Variants in AKAP19 observed in about 807,000 individuals in gnomAD.
AKAP19 encodes small A-kinase anchoring protein.
the AKAP19 span, among the ~76,000 whole-genome samples, chr2:190,088,227 A>G: frequency 6.6e-6 from 1 of 152,158 alleles, no homozygotes; most frequent in Non-Finnish European, 1.5e-5. Flanking sequence ...CACAAACCCC[A>G]TGATCGTGAT....
the AKAP19 span, among the ~76,000 whole-genome samples, chr2:189,968,588 G>A: frequency 6.6e-6 from 1 of 152,126 alleles, no homozygotes; most frequent in African/African-American, 2.4e-5. Context: ...AACAAAGATT[G>A]TCTGGGATAA....
the AKAP19 span, chr2:190,079,890 T>TGTGTGTGTGTGAGA: frequency 2.3e-4 from 25 of 109,534 alleles, no homozygotes; most frequent in African/African-American, 7.1e-4. Flanking sequence ...TGTGTGTGTG[T>TGTGTGTGTGTGAGA]GAGAGAGAGA....
At chr2:189,944,424 A>G in the AKAP19 span, among the ~76,000 whole-genome samples, 1 of 152,166 alleles carries the variant, frequency 6.6e-6, no homozygotes, top group Admixed American at 6.5e-5. Context: ...TGTCAACACT[A>G]TGCTTCCTAT....
At chr2:190,022,600 T>A in the AKAP19 span, among the ~76,000 whole-genome samples, 2 of 152,184 alleles carry the variant, frequency 1.3e-5, no homozygotes, top group Non-Finnish European at 2.9e-5. Flanking sequence ...AAAATTCAGA[T>A]CCTGCTGCTG....
chr2:189,983,262 C>A, the AKAP19 span, among the ~76,000 whole-genome samples: 3 of 152,126 alleles, frequency 2.0e-5, no homozygotes, highest in East Asian at 3.9e-4. Context: ...TACAGATGCA[C>A]CCTCTGAGGG....
the AKAP19 span, among the ~76,000 whole-genome samples, chr2:190,103,511 G>A: frequency 5.3e-4 from 81 of 152,278 alleles, 1 homozygote; most frequent in African/African-American, 1.8e-3. Flanking sequence ...CAAAATCAAC[G>A]TACAAATATC....
At chr2:189,892,357 T>C in the AKAP19 span, among the ~76,000 whole-genome samples, 363 of 152,314 alleles carry the variant, frequency 2.4e-3, 2 homozygotes, top group South Asian at 8.7e-3. Flanking sequence ...TGGGTTTTTC[T>C]CATCTTCGTG....
chr2:190,121,817 C>T, the AKAP19 span, among the ~76,000 whole-genome samples: 4 of 152,166 alleles, frequency 2.6e-5, no homozygotes, highest in African/African-American at 7.2e-5. Flanking sequence ...TAAGTATGTA[C>T]TTATTACTTA....
chr2:190,180,441 G>T, the AKAP19 span: 1 of 984,098 alleles, frequency 1.0e-6, no homozygotes, highest in Admixed American at 6.1e-5. The surrounding 1 kb of genome is among the most constrained non-coding windows in gnomAD (Gnocchi z 6.8). Flanking sequence ...AGGGGGCCGA[G>T]ACCAGGGGCA....
At chr2:190,132,421 G>T in the AKAP19 span, among the ~76,000 whole-genome samples, 1 of 152,170 alleles carries the variant, frequency 6.6e-6, no homozygotes, top group South Asian at 2.1e-4. Flanking sequence ...AATCAAAACA[G>T]CATGGTACTG....
chr2:189,884,354 CA>C, the AKAP19 span, among the ~76,000 whole-genome samples: 69 of 150,722 alleles, frequency 4.6e-4, no homozygotes, highest in East Asian at 6.4e-3. Flanking sequence ...ATAACAATAG[CA>C]AAAAAAAATT....
chr2:189,990,969 C>T, the AKAP19 span, among the ~76,000 whole-genome samples: 2 of 152,236 alleles, frequency 1.3e-5, no homozygotes, highest in East Asian at 1.9e-4. Context: ...GTTTGGTTTA[C>T]TTCACTTAGA....
At chr2:190,093,412 G>T in the AKAP19 span, among the ~76,000 whole-genome samples, 33 of 149,094 alleles carry the variant, frequency 2.2e-4, no homozygotes, top group African/African-American at 8.0e-4. Flanking sequence ...CAGCCTGGGC[G>T]ACAGAGCAAG....
the AKAP19 span, among the ~76,000 whole-genome samples, chr2:189,992,188 T>C: frequency 6.6e-6 from 1 of 151,458 alleles, no homozygotes; most frequent in Admixed American, 6.6e-5. Context: ...CCCGAGTAGA[T>C]GGGATTACAG....
At chr2:190,079,738 G>A in the AKAP19 span, among the ~76,000 whole-genome samples, 1 of 152,102 alleles carries the variant, frequency 6.6e-6, no homozygotes, top group Non-Finnish European at 1.5e-5. Flanking sequence ...TTGAACCCAG[G>A]AGGCAGAGGT....
the AKAP19 span, among the ~76,000 whole-genome samples, chr2:189,940,310 G>A: frequency 2.6e-5 from 4 of 151,680 alleles, no homozygotes; most frequent in East Asian, 7.8e-4. Context: ...GCCAGGCGTG[G>A]TGGCAGCTGC....
chr2:190,087,246 A>C, the AKAP19 span, among the ~76,000 whole-genome samples: 1 of 152,228 alleles, frequency 6.6e-6, no homozygotes. Context: ...GATTTTTCCA[A>C]CAGACATGAA....
the AKAP19 span, among the ~76,000 whole-genome samples, chr2:190,002,537 TATA>T: frequency 6.6e-6 from 1 of 151,782 alleles, no homozygotes; most frequent in African/African-American, 2.4e-5. Context: ...AAACTTAAAG[TATA>T]ATAATAATAA....
At chr2:190,100,438 CAAAG>C in the AKAP19 span, among the ~76,000 whole-genome samples, 11 of 152,076 alleles carry the variant, frequency 7.2e-5, no homozygotes, top group Non-Finnish European at 1.3e-4. Flanking sequence ...CAAGTTGAGA[CAAAG>C]AAAAAGTATC....
Sources: gnomAD v4.1 joint callset for allele counts (sites outside exome capture counted in the v4.1 genomes callset) on GRCh38, gnomAD v4.1.1 for gene constraint, Gnocchi (gnomAD v3.1) non-coding constraint, MANE v1.5 for transcripts, NCBI Gene and HGNC (gene_info 2026-07-23, HGNC 2026-07-21) for gene names.